Variants in MED15 observed in about 807,000 individuals in gnomAD.
MED15 encodes mediator complex subunit 15, also known as mediator of RNA polymerase II transcription subunit 15.
In MED15, 41 loss-of-function variants were observed where a neutral mutation model predicts 118.7. The ratio of observed to expected loss-of-function variants is 0.35; its 90% CI spans 0.27 to 0.45. MED15 has a LOEUF of 0.45. Among genes scored for constraint, MED15 ranks in the 20% least tolerant of loss-of-function variants. The probability of loss-of-function intolerance (pLI) is 1.00; values close to 1 mark genes in which losing one functional copy is unlikely to be tolerated. For synonymous variants in MED15, 436 were observed against 413.9 expected, an observed-to-expected ratio of 1.05 and a Z score of -0.65; for missense variants, 740 against 1,025.5, an observed-to-expected ratio of 0.72 and a Z score of 3.80.
intron 2 of MED15, among the ~76,000 whole-genome samples, chr22:20,546,248 C>G (rs888956969): frequency 6.6e-6 from 1 of 152,206 alleles, no homozygotes; most frequent in Non-Finnish European, 1.5e-5. Context: ...TGCCTGCCCC[C>G]TCCTTCTTAT....
intron 1 of MED15, among the ~76,000 whole-genome samples, chr22:20,532,342 G>A (rs2054893531): frequency 6.6e-6 from 1 of 152,160 alleles, no homozygotes; most frequent in Non-Finnish European, 1.5e-5. Flanking sequence ...TATCCCTGCT[G>A]GCTGCTCAGG....
intron 8 of MED15, chr22:20,573,880 C>G (rs551334249): frequency 6.6e-6 from 1 of 152,352 alleles, no homozygotes; most frequent in Admixed American, 6.5e-5. Context: ...TCGACTCTCA[C>G]CCACTGGGGT....
intron 1 of MED15, chr22:20,518,967 G>A (rs916566724): frequency 7.3e-5 from 31 of 423,740 alleles, no homozygotes; most frequent in Non-Finnish European, 1.1e-4. Context: ...ATCCTCCCAC[G>A]TCAGCCTCCC....
chr22:20,572,338 G>A (rs165918), intron 8 of MED15, among the ~76,000 whole-genome samples: 29,884 of 152,186 alleles, frequency 0.2, 2,995 homozygotes, highest in South Asian at 0.25. Context: ...GGCCTCTTGA[G>A]TTCATGAATG....
intron 1 of MED15, among the ~76,000 whole-genome samples, chr22:20,517,496 C>T (rs1263397799): frequency 6.6e-6 from 1 of 152,178 alleles, no homozygotes; most frequent in East Asian, 1.9e-4. Flanking sequence ...GAGACTGGGC[C>T]TTCTGCTGCC....
At chr22:20,584,756 G>A in intron 14 of MED15, 99 bp from the exon 15 acceptor site, 4 of 1,445,504 alleles carry the variant, frequency 2.8e-6, no homozygotes, top group Admixed American at 3.8e-5. Context: ...GAGGCCTCGG[G>A]AATCTGACTG....
Position 20,537,120 on chromosome 22 carries a change from G to A in MED15, c.72G>A (p.Glu24=), listed in dbSNP as rs746869569. The change falls in exon 2 of 18, where the codon GAG becomes GAA. Residue 24 remains glutamate, a synonymous_variant. Coordinates refer to ENST00000263205, the MANE Select transcript of MED15 (RefSeq NM_001003891.3). ...CTCTTCTCCTTTTGTGTTTCAGCGA[G>A]GATGCCATGAGGAAAGCTGGTGTGG... is the stretch of plus-strand genomic sequence containing the variant. ...AFRQKLVSQI[E]DAMRKAGVAH... The A allele has an allele frequency of 2.5e-6, 4 of 1,613,652 alleles. No individual in the cohort carries two copies. The highest frequency in any genetic ancestry group is 3.4e-6 in the Non-Finnish European group (4 of 1,179,684).
At chr22:20,578,479 C>T (rs1028393662) in intron 9 of MED15, among the ~76,000 whole-genome samples, 1 of 152,340 alleles carries the variant, frequency 6.6e-6, no homozygotes, top group South Asian at 2.1e-4. Flanking sequence ...TGTGGGCCAG[C>T]CTTGGGGACG....
intron 1 of MED15, chr22:20,508,136 G>T: frequency 8.1e-7 from 1 of 1,232,078 alleles, no homozygotes; most frequent in Non-Finnish European, 1.0e-6. Flanking sequence ...TTCCAGAAAA[G>T]CGCATCAACG....
At chr22:20,579,813 CCT>C (rs1253940103) in intron 9 of MED15, among the ~76,000 whole-genome samples, 1 of 152,142 alleles carries the variant, frequency 6.6e-6, no homozygotes, top group African/African-American at 2.4e-5. Flanking sequence ...CTCTGAGCTC[CCT>C]GTTCCCAACC....
chr22:20,544,345 G>GTATGT (rs2146482108), intron 2 of MED15, among the ~76,000 whole-genome samples: 1 of 152,210 alleles, frequency 6.6e-6, no homozygotes, highest in South Asian at 2.1e-4. Flanking sequence ...GCTATAACAC[G>GTATGT]TTACTACAAG....
At chr22:20,574,385 T>C (rs1270787772) in intron 8 of MED15, 1 of 152,264 alleles carries the variant, frequency 6.6e-6, no homozygotes, top group Non-Finnish European at 1.5e-5. Context: ...GAAGTGTCCA[T>C]TGATGAGGGG....
rs143927528 is a variant in MED15 at position 20,545,997 on chromosome 22, A to G, written c.157-5439A>G. ...CCTCAGGGTTGTATCTCTGCTGAGCATCTCCACACTGGCCTGTGCTAGGGC... is the reference window on the plus strand; with the variant it reads ...CCTCAGGGTTGTATCTCTGCTGAGCGTCTCCACACTGGCCTGTGCTAGGGC... On this transcript the variant is annotated intron_variant, in intron 2 of 17. Transcript: ENST00000263205. Among the ~76,000 whole-genome samples the G allele has an allele frequency of 1.6e-3, 241 of 152,268 alleles. 1 individual carries two copies. Among genetic ancestry groups the G allele is most frequent in the African/African-American group, 5.5e-3 (228 of 41,532 alleles).
chr22:20,552,211 A>C (rs975687306), intron 3 of MED15, among the ~76,000 whole-genome samples: 1 of 152,260 alleles, frequency 6.6e-6, no homozygotes, highest in Non-Finnish European at 1.5e-5. Flanking sequence ...CTGCCGCTGC[A>C]TAACCACCAG....
chr22:20,532,887 A>T (rs1200785689), intron 1 of MED15, among the ~76,000 whole-genome samples: 1 of 151,980 alleles, frequency 6.6e-6, no homozygotes, highest in Non-Finnish European at 1.5e-5. Flanking sequence ...GTGGGGGAAG[A>T]GCTCACTGTG....
chr22:20,555,485 C>T (rs536090749), intron 5 of MED15, among the ~76,000 whole-genome samples: 2 of 152,300 alleles, frequency 1.3e-5, no homozygotes, highest in South Asian at 4.1e-4. Context: ...GGCTGAGTGC[C>T]AGCAACCACA....
intron 2 of MED15, among the ~76,000 whole-genome samples, chr22:20,549,939 T>A (rs745841436): frequency 6.6e-6 from 1 of 152,234 alleles, no homozygotes; most frequent in Non-Finnish European, 1.5e-5. Flanking sequence ...TTGAGTGTCT[T>A]ATGTCTAAGT....
chr22:20,575,082 C>G, intron 8 of MED15, 31 bp from the exon 9 acceptor site: 1 of 1,612,152 alleles, frequency 6.2e-7, no homozygotes, highest in Non-Finnish European at 8.5e-7. Context: ...TTGTTGCGAT[C>G]ACCTTGTCTG....
chr22:20,535,160 G>A (rs531872816), intron 1 of MED15, among the ~76,000 whole-genome samples: 4 of 152,240 alleles, frequency 2.6e-5, no homozygotes, highest in Admixed American at 1.3e-4. Context: ...GTTTCACCAC[G>A]TTAGCCAGGC....
Sources: gnomAD v4.1 joint callset for allele counts (sites outside exome capture counted in the v4.1 genomes callset) on GRCh38, gnomAD v4.1.1 for gene constraint, MANE v1.5 for transcripts, NCBI Gene and HGNC (gene_info 2026-07-23, HGNC 2026-07-21) for gene names.